Variants in CNTNAP2 observed in about 807,000 individuals in gnomAD.
CNTNAP2 encodes the protein contactin-associated protein-like 2.
In CNTNAP2, 98 loss-of-function variants were observed where a neutral mutation model predicts 155.2. The observed-to-expected ratio is 0.63, with a 90% CI of 0.54 to 0.75. CNTNAP2 has a LOEUF of 0.75. CNTNAP2 is among the 30% of genes least tolerant of loss of function. The probability of loss-of-function intolerance (pLI) is 0.00; values close to 1 mark genes in which losing one functional copy is unlikely to be tolerated. For synonymous variants in CNTNAP2, 651 were observed against 631.2 expected, an observed-to-expected ratio of 1.03 and a Z score of -0.47; for missense variants, 1,727 against 1,688.1, an observed-to-expected ratio of 1.02 and a Z score of -0.40.
At chr7:148,329,093 C>T (rs532261005) in intron 21 of CNTNAP2, among the ~76,000 whole-genome samples, 1 of 151,810 alleles carries the variant, frequency 6.6e-6, no homozygotes, top group South Asian at 2.1e-4. Context: ...CCCTCCCTGT[C>T]TGCAACGGAC....
At chr7:148,308,571 T>G (rs996010139) in intron 21 of CNTNAP2, among the ~76,000 whole-genome samples, 7 of 151,382 alleles carry the variant, frequency 4.6e-5, no homozygotes, top group African/African-American at 1.5e-4. Flanking sequence ...ATTTATTTAT[T>G]TATTTATTTA....
intron 10 of CNTNAP2, among the ~76,000 whole-genome samples, chr7:147,477,102 A>T (rs972194644): frequency 6.6e-6 from 1 of 152,094 alleles, no homozygotes; most frequent in African/African-American, 2.4e-5. Context: ...TGTTATCGTC[A>T]TCTTTTTTCC....
chr7:146,404,726 G>A (rs189992732), intron 1 of CNTNAP2, among the ~76,000 whole-genome samples: 13 of 152,064 alleles, frequency 8.5e-5, no homozygotes, highest in Admixed American at 6.5e-4. Context: ...CTTCTCCTTT[G>A]CATCACTCCA....
At chr7:147,595,971 T>A (rs546642410) in intron 12 of CNTNAP2, among the ~76,000 whole-genome samples, 1 of 152,326 alleles carries the variant, frequency 6.6e-6, no homozygotes, top group African/African-American at 2.4e-5. Context: ...TGTTTTTGAT[T>A]TTTTGTTTTT....
At chr7:148,126,008 A>G (rs977728319) in intron 16 of CNTNAP2, among the ~76,000 whole-genome samples, 5 of 152,126 alleles carry the variant, frequency 3.3e-5, no homozygotes, top group Admixed American at 1.3e-4. Context: ...CAGCCAGCCT[A>G]TAAAATAATA....
At chr7:148,086,733 G>A (rs1182962705) in intron 15 of CNTNAP2, among the ~76,000 whole-genome samples, 2 of 152,086 alleles carry the variant, frequency 1.3e-5, no homozygotes, top group Admixed American at 1.3e-4. Context: ...CTAACTACCT[G>A]AGAGCAGCCA....
chr7:146,599,900 A>T (rs772871398), intron 1 of CNTNAP2, among the ~76,000 whole-genome samples: 1 of 152,138 alleles, frequency 6.6e-6, no homozygotes, highest in Non-Finnish European at 1.5e-5. Context: ...TTTTGATGGC[A>T]TTCTGTAAAA....
chr7:147,414,870 G>A lies in CNTNAP2; in HGVS notation c.1670+19090G>A, dbSNP rs1797163501. ...GCAGGAGAATGGCGTGAACCTTGGG[G>A]GGTGGAGCCTGCAGTGAGCCGAGAT... On this transcript the variant is annotated intron_variant, in intron 10 of 23. Transcript: ENST00000361727. Among the ~76,000 whole-genome samples, 7 of 150,624 alleles carry A rather than the reference G, an allele frequency of 4.6e-5. No individual in the cohort carries two copies. The South Asian group carries it at 1.5e-3, about 32-fold the overall frequency.
chr7:147,572,735 T>C (rs1441801750), intron 12 of CNTNAP2, among the ~76,000 whole-genome samples: 3 of 146,536 alleles, frequency 2.0e-5, no homozygotes, highest in African/African-American at 7.8e-5. Context: ...CACACACACA[T>C]GTTGGGAAAT....
At chr7:148,067,978 G>A (rs1486331041) in intron 15 of CNTNAP2, among the ~76,000 whole-genome samples, 1 of 152,074 alleles carries the variant, frequency 6.6e-6, no homozygotes, top group African/African-American at 2.4e-5. Context: ...AGCCAGCAAG[G>A]CCAGTCTCAC....
At chr7:147,872,124 C>T (rs1273758592) in intron 13 of CNTNAP2, among the ~76,000 whole-genome samples, 2 of 152,128 alleles carry the variant, frequency 1.3e-5, no homozygotes, top group Non-Finnish European at 2.9e-5. Context: ...AGAAACCTGC[C>T]CACCCTGTGT....
chr7:147,647,056 C>T (rs1457704902), intron 13 of CNTNAP2, among the ~76,000 whole-genome samples: 2 of 151,502 alleles, frequency 1.3e-5, no homozygotes, highest in East Asian at 3.9e-4. Flanking sequence ...TCTAGGCTCA[C>T]TGCAACCTCA....
At chr7:147,796,565 G>A (rs759584436) in intron 13 of CNTNAP2, among the ~76,000 whole-genome samples, 1 of 146,664 alleles carries the variant, frequency 6.8e-6, no homozygotes, top group African/African-American at 2.6e-5. Flanking sequence ...ATAGCAGGAA[G>A]CTGGTCCAGG....
At chr7:146,752,658 A>G (rs1801926429) in intron 1 of CNTNAP2, among the ~76,000 whole-genome samples, 1 of 152,112 alleles carries the variant, frequency 6.6e-6, no homozygotes, top group Non-Finnish European at 1.5e-5. Flanking sequence ...TTTTGTTGCC[A>G]TTGCTTTTGG....
chr7:147,547,573 G>A (rs1015880224), intron 11 of CNTNAP2, among the ~76,000 whole-genome samples: 1 of 152,014 alleles, frequency 6.6e-6, no homozygotes, highest in Non-Finnish European at 1.5e-5. Context: ...CCACTGGCAT[G>A]AGGAGCTTTG....
chr7:148,203,918 G>A (rs367930662), intron 18 of CNTNAP2, among the ~76,000 whole-genome samples: 2 of 152,088 alleles, frequency 1.3e-5, no homozygotes, highest in South Asian at 2.1e-4. Context: ...TCTTGGACTC[G>A]GTATACCATC....
At chr7:146,494,903 A>G (rs1797191518) in intron 1 of CNTNAP2, among the ~76,000 whole-genome samples, 1 of 152,242 alleles carries the variant, frequency 6.6e-6, no homozygotes, top group Non-Finnish European at 1.5e-5. Flanking sequence ...ATATGTTCCA[A>G]ATCTAGTCTA....
At chr7:147,728,053 C>T (rs950376671) in intron 13 of CNTNAP2, among the ~76,000 whole-genome samples, 3 of 151,866 alleles carry the variant, frequency 2.0e-5, no homozygotes, top group Non-Finnish European at 4.4e-5. Context: ...GTTTTGGGCT[C>T]GCCATCCATG....
chr7:146,936,340 TTTTG>T (rs879592480), intron 3 of CNTNAP2, among the ~76,000 whole-genome samples: 1 of 151,972 alleles, frequency 6.6e-6, no homozygotes, highest in Admixed American at 6.6e-5. Context: ...ACAGACGAGG[TTTTG>T]TTTTTCTCCT....
Sources: gnomAD v4.1 joint callset for allele counts (sites outside exome capture counted in the v4.1 genomes callset) on GRCh38, gnomAD v4.1.1 for gene constraint, MANE v1.5 for transcripts, NCBI Gene and HGNC (gene_info 2026-07-23, HGNC 2026-07-21) for gene names.